DPY19L2: variants seen among roughly 807,000 people sequenced by gnomAD.
DPY19L2 encodes probable C-mannosyltransferase DPY19L2.
Under a neutral mutation model 97.9 loss-of-function variants are expected in DPY19L2, and 34 were observed. The ratio of observed to expected loss-of-function variants is 0.35; its 90% CI spans 0.26 to 0.46. The LOEUF (loss-of-function observed/expected upper bound fraction) is 0.46, where lower values mean the gene tolerates loss of function less well. DPY19L2 is among the 20% of genes least tolerant of loss of function. The pLI, the probability that DPY19L2 is intolerant of heterozygous loss-of-function variation, is 1.00. For synonymous variants in DPY19L2, 230 were observed against 307.9 expected (o/e 0.75, Z 2.65); for missense variants, 623 against 911.4 (o/e 0.68, Z 4.07).
chr12:63,566,260 G>A (rs1877680099), intron 21 of DPY19L2, among the ~76,000 whole-genome samples: 1 of 151,974 alleles, frequency 6.6e-6, no homozygotes, highest in East Asian at 1.9e-4. Context: ...AAGACATTTG[G>A]AGATCCACAT....
chr12:63,639,759 T>C (rs968105276), intron 6 of DPY19L2, among the ~76,000 whole-genome samples: 2 of 152,160 alleles, frequency 1.3e-5, no homozygotes, highest in African/African-American at 2.4e-5. Context: ...GGTGGGACTG[T>C]AAACTAGTTC....
At chr12:63,641,458 T>A (rs1362946541) in intron 6 of DPY19L2, among the ~76,000 whole-genome samples, 1 of 152,112 alleles carries the variant, frequency 6.6e-6, no homozygotes, top group African/African-American at 2.4e-5. Flanking sequence ...AATCAGCTAC[T>A]GACCTGATTT....
At chr12:63,599,046 G>A (rs1884701981) in intron 13 of DPY19L2, among the ~76,000 whole-genome samples, 1 of 151,820 alleles carries the variant, frequency 6.6e-6, no homozygotes, top group Admixed American at 6.6e-5. Context: ...GGTGGCACGT[G>A]CCTATAACCT....
Position 63,631,040 on chromosome 12 carries a change from T to C in DPY19L2, c.804-4514A>G, listed in dbSNP as rs980416015. Among the ~76,000 whole-genome samples, 24 of 152,030 alleles carry C rather than the reference T, an allele frequency of 1.6e-4. 1 individual carries two copies. Among genetic ancestry groups the C allele is most frequent in the African/African-American group, 5.5e-4 (23 of 41,480 alleles). Reference sequence around the variant, plus strand: ...CCAACGAGAACAAAGACACAACATATTAGAATCTCTGGGACACATTCAAAG... The same window carrying C: ...CCAACGAGAACAAAGACACAACATACTAGAATCTCTGGGACACATTCAAAG... On this transcript the variant is annotated intron_variant, in intron 6 of 21. Coordinates refer to ENST00000324472, the MANE Select transcript of DPY19L2 (RefSeq NM_173812.5).
At chr12:63,581,499 T>TTG (rs1555184283) in intron 18 of DPY19L2, among the ~76,000 whole-genome samples, 1 of 141,374 alleles carries the variant, frequency 7.1e-6, no homozygotes, top group East Asian at 2.0e-4. Flanking sequence ...TTTTTTTTTT[T>TTG]CTGAGACAGA....
intron 11 of DPY19L2, among the ~76,000 whole-genome samples, chr12:63,615,243 CA>C (rs1422080902): frequency 2.0e-5 from 3 of 152,128 alleles, no homozygotes; most frequent in Admixed American, 6.5e-5. Context: ...GACAGGGAAT[CA>C]ATTCATTATT....
chr12:63,603,453 AC>A (rs1289966326), intron 12 of DPY19L2, among the ~76,000 whole-genome samples: 1 of 152,102 alleles, frequency 6.6e-6, no homozygotes, highest in African/African-American at 2.4e-5. Flanking sequence ...GGTTTCCTGC[AC>A]CTATCAACCC....
intron 12 of DPY19L2, among the ~76,000 whole-genome samples, chr12:63,607,360 G>A (rs1886220152): frequency 6.6e-6 from 1 of 152,136 alleles, no homozygotes; most frequent in South Asian, 2.1e-4. Flanking sequence ...CAAGTGTAAT[G>A]TCGATATGTG....
intron 18 of DPY19L2, among the ~76,000 whole-genome samples, chr12:63,581,048 G>A (rs1445934532): frequency 3.3e-5 from 5 of 152,092 alleles, no homozygotes; most frequent in Non-Finnish European, 7.4e-5. Flanking sequence ...TCTCCCCTGG[G>A]AAGAATTAAG....
At chr12:63,580,959 T>A in intron 18 of DPY19L2, 123 bp from the exon 19 acceptor site, 1 of 976,962 alleles carries the variant, frequency 1.0e-6, no homozygotes, top group Non-Finnish European at 1.5e-6. Flanking sequence ...CACACATGTA[T>A]ACAGAATTAT....
At chr12:63,635,307 G>C (rs559280782) in intron 6 of DPY19L2, among the ~76,000 whole-genome samples, 2 of 152,024 alleles carry the variant, frequency 1.3e-5, no homozygotes, top group Non-Finnish European at 2.9e-5. Flanking sequence ...AGACCAAAGG[G>C]AGATAAAACC....
chr12:63,603,865 G>A (rs186569505), intron 12 of DPY19L2, among the ~76,000 whole-genome samples: 2 of 152,186 alleles, frequency 1.3e-5, no homozygotes, highest in African/African-American at 4.8e-5. Context: ...GAGGCCTCAG[G>A]CTACCTGACT....
chr12:63,647,946 A>G (rs1893653306), intron 4 of DPY19L2, among the ~76,000 whole-genome samples: 1 of 152,160 alleles, frequency 6.6e-6, no homozygotes, highest in Non-Finnish European at 1.5e-5. Context: ...GCACTGCTAT[A>G]GTTTGAATGT....
At chr12:63,665,530 G>T (rs956586949) in intron 2 of DPY19L2, among the ~76,000 whole-genome samples, 3 of 151,142 alleles carry the variant, frequency 2.0e-5, no homozygotes, top group Admixed American at 6.6e-5. Flanking sequence ...AATAAAGGAA[G>T]GTTTTAAATG....
intron 13 of DPY19L2, among the ~76,000 whole-genome samples, chr12:63,599,178 C>CAA (rs34866870): frequency 9.6e-5 from 12 of 125,078 alleles, no homozygotes; most frequent in Admixed American, 2.5e-4. Flanking sequence ...TTTCAAAAAA[C>CAA]AAAAAAAAAA....
At chr12:63,566,056 CA>C (rs1226714563) in intron 21 of DPY19L2, among the ~76,000 whole-genome samples, 1 of 151,970 alleles carries the variant, frequency 6.6e-6, no homozygotes, top group Non-Finnish European at 1.5e-5. Flanking sequence ...TTCCTTCAGC[CA>C]ATATACATAT....
intron 4 of DPY19L2, among the ~76,000 whole-genome samples, chr12:63,653,471 C>T (rs1378146604): frequency 1.3e-5 from 2 of 151,942 alleles, no homozygotes; most frequent in East Asian, 1.9e-4. Flanking sequence ...TCCCTTGATT[C>T]CAGGAGTCAG....
At chr12:63,575,619 T>A (rs771323079) in intron 19 of DPY19L2, among the ~76,000 whole-genome samples, 1 of 151,820 alleles carries the variant, frequency 6.6e-6, no homozygotes, top group African/African-American at 2.4e-5. Context: ...GGAGACATTA[T>A]AACCAATATT....
chr12:63,592,484 G>A lies in DPY19L2; in HGVS notation c.1580+1603C>T, dbSNP rs1244746485. ...GAACAGAGCCCTCAGAAATAACGCC[G>A]CATATCTACAACTATCTGATCTTTG... On this transcript the variant is annotated intron_variant, in intron 16 of 21. Transcript: ENST00000324472. Among the ~76,000 whole-genome samples, 25 of 148,152 alleles carry A rather than the reference G, an allele frequency of 1.7e-4. 1 individual carries two copies. Among genetic ancestry groups the A allele is most frequent in the African/African-American group, 3.2e-4 (13 of 40,064 alleles).
Sources: allele counts gnomAD v4.1 joint callset (sites outside exome capture counted in the v4.1 genomes callset), GRCh38; gene constraint gnomAD v4.1.1; transcripts MANE v1.5; gene names NCBI Gene and HGNC (gene_info 2026-07-23, HGNC 2026-07-21).